Variants in HSPG2 observed in about 807,000 individuals in gnomAD.
HSPG2 encodes the protein basement membrane-specific heparan sulfate proteoglycan core protein.
A neutral mutation model predicts 526.6 loss-of-function variants in HSPG2; 278 were observed. The ratio of observed to expected loss-of-function variants is 0.53; its 90% CI spans 0.48 to 0.58. HSPG2 has a LOEUF of 0.58. HSPG2 is among the 20% of genes least tolerant of loss of function. The pLI is 0.00. For missense variants in HSPG2, 5,354 were observed against 6,099.5 expected (o/e 0.88, Z 4.07); for synonymous variants, 2,465 against 2,555.4 (o/e 0.96, Z 1.07).
chr1:21,935,802 G>A (rs562536265), intron 1 of HSPG2, among the ~76,000 whole-genome samples: 3 of 152,222 alleles, frequency 2.0e-5, no homozygotes, highest in South Asian at 2.1e-4. Context: ...GCAAGTTCAG[G>A]TCAAGACTAG....
chr1:21,840,548 C>T (rs1005267345), intron 71 of HSPG2, among the ~76,000 whole-genome samples: 5 of 151,996 alleles, frequency 3.3e-5, no homozygotes, highest in African/African-American at 7.2e-5. Context: ...CCTTGTGATC[C>T]GCCCGCCTCA....
chr1:21,855,030 C>A, intron 47 of HSPG2, 47 bp from the exon 48 acceptor site: 1 of 1,604,456 alleles, frequency 6.2e-7, no homozygotes, highest in Admixed American at 1.7e-5. Context: ...AGCTGGACAA[C>A]GGCTGGCCAG....
rs1640893922 is a variant in HSPG2, at chr1:21,874,473, C to A, written c.3589G>T (p.Asp1197Tyr). ...CEQCQPGYYG[D>Y]AQRGTPQDCQ... Reference sequence around the variant, plus strand: ...TCCTGTGGTGTCCCCCGCTGGGCGTCCCCGTAGTATCCTGGCTGGCACTGC... The same window carrying A: ...TCCTGTGGTGTCCCCCGCTGGGCGTACCCGTAGTATCCTGGCTGGCACTGC... The change falls in exon 28 of 97, where the codon GAC becomes TAC. Residue 1197 changes from aspartate (D) to tyrosine (Y), a missense_variant. Coordinates refer to ENST00000374695, the MANE Select transcript of HSPG2 (RefSeq NM_005529.7). 1 of 1,612,454 alleles carries A rather than the reference C, an allele frequency of 6.2e-7. No individual in the cohort carries two copies.
intron 23 of HSPG2, 21 bp downstream of exon 23, chr1:21,876,208 G>A: frequency 1.3e-6 from 2 of 1,592,000 alleles, no homozygotes; most frequent in Non-Finnish European, 1.7e-6. Flanking sequence ...AGTTTCCTTT[G>A]CCTTTCCACC....
At chr1:21,899,291 C>T (rs968235757) in intron 1 of HSPG2, among the ~76,000 whole-genome samples, 3 of 152,142 alleles carry the variant, frequency 2.0e-5, no homozygotes, top group African/African-American at 7.2e-5. Flanking sequence ...TGGAACCAGA[C>T]AGGAAAGAGG....
chr1:21,871,200 C>A (rs893281549), intron 33 of HSPG2, among the ~76,000 whole-genome samples: 4 of 152,186 alleles, frequency 2.6e-5, no homozygotes, highest in Middle Eastern at 3.4e-3. Context: ...ACCACCTTTC[C>A]ACCAGACCCT....
At chr1:21,869,224 G>A (rs1200337156) in intron 33 of HSPG2, among the ~76,000 whole-genome samples, 2 of 152,226 alleles carry the variant, frequency 1.3e-5, no homozygotes, top group Non-Finnish European at 1.5e-5. Context: ...CATCTGGTGG[G>A]TCTCTTTTGT....
chr1:21,839,335 C>G lies in HSPG2; in HGVS notation c.9889+36G>C, dbSNP rs919819067. The G allele has an allele frequency of 6.2e-7, 1 of 1,602,976 alleles. No homozygotes were observed. The highest frequency in any genetic ancestry group is 2.2e-5 in the East Asian group (1 of 44,834). On this transcript the variant is annotated intron_variant, in intron 73 of 96. Coordinates refer to ENST00000374695, the MANE Select transcript of HSPG2 (RefSeq NM_005529.7). This position sits in a 1 kb window ranked among gnomAD's most constrained non-coding sequence, Gnocchi z 4.5. ...GAGCCTAGTCGGGGGGCTCAGATCT[C>G]CATTTGGTGCAGACAAAGAAGGGAT...
intron 13 of HSPG2, among the ~76,000 whole-genome samples, chr1:21,884,021 T>C (rs1641690745): frequency 6.6e-6 from 1 of 152,214 alleles, no homozygotes; most frequent in Non-Finnish European, 1.5e-5. Flanking sequence ...GCTCCTATAA[T>C]CTGGGTACAC....
At chr1:21,878,812 G>A in intron 18 of HSPG2, 149 bp from the exon 19 acceptor site, 1 of 1,169,076 alleles carries the variant, frequency 8.6e-7, no homozygotes, top group Non-Finnish European at 1.2e-6. Context: ...GCAACTGTAG[G>A]AAGTCAGGGG....
chr1:21,920,636 G>A (rs1644011382), intron 1 of HSPG2, among the ~76,000 whole-genome samples: 1 of 152,244 alleles, frequency 6.6e-6, no homozygotes, highest in Admixed American at 6.5e-5. Flanking sequence ...CAGCCTGCCT[G>A]CTTCACACAT....
intron 1 of HSPG2, among the ~76,000 whole-genome samples, chr1:21,923,490 C>T (rs945532548): frequency 2.6e-5 from 4 of 152,322 alleles, no homozygotes; most frequent in Admixed American, 1.3e-4. Context: ...CTGAGACTCA[C>T]GATAAAATCG....
intron 71 of HSPG2, 52 bp from the exon 72 acceptor site, chr1:21,840,069 T>C (rs1402317058): frequency 6.7e-7 from 1 of 1,502,010 alleles, no homozygotes; most frequent in Non-Finnish European, 9.3e-7. Context: ...GGGACGCTGA[T>C]GTCAGCCCCA....
chr1:21,839,025 T>C lies in HSPG2; in HGVS notation c.9950A>G (p.Gln3317Arg). Residue 3317 changes from glutamine to arginine, a missense_variant, in exon 74 of 97, where the codon CAG becomes CGG. Coordinates refer to ENST00000374695, the MANE Select transcript of HSPG2 (RefSeq NM_005529.7). This position sits in a 1 kb window ranked among gnomAD's most constrained non-coding sequence, Gnocchi z 4.5. The part of the protein sequence containing the change: ...HASVQAGETV[Q>R]LQCLAHGTPP... Reference sequence around the variant, plus strand: ...TGTCCCGTGAGCCAGGCACTGGAGCTGCACCGTCTCCCCTGCCTGCACCGA... The same window carrying C: ...TGTCCCGTGAGCCAGGCACTGGAGCCGCACCGTCTCCCCTGCCTGCACCGA... The C allele has an allele frequency of 6.2e-7, 1 of 1,604,524 alleles. No individual in the cohort carries two copies. Among genetic ancestry groups the C allele is most frequent in the Non-Finnish European group, 8.5e-7 (1 of 1,172,404 alleles).
chr1:21,881,518 G>A lies in HSPG2; in HGVS notation c.1655-16C>T, dbSNP rs986895593. ...ACATTCACACCTGTGGGTGGCAAGGGGGAGGCTGAGGGCTGCAGCCTGGGC... is the reference window on the plus strand; with the variant it reads ...ACATTCACACCTGTGGGTGGCAAGGAGGAGGCTGAGGGCTGCAGCCTGGGC... On this transcript the variant is annotated splice_polypyrimidine_tract_variant and intron_variant, in intron 13 of 96. Coordinates refer to ENST00000374695, the MANE Select transcript of HSPG2 (RefSeq NM_005529.7). 6.2e-7 allele frequency: 1 copy of A among 1,606,566 alleles called. No homozygotes were observed. Among genetic ancestry groups the A allele is most frequent in the Non-Finnish European group, 8.5e-7 (1 of 1,176,250 alleles).
rs764918322 is a variant in HSPG2 at position 21,856,969 on chromosome 1, G to A, written c.5575+46C>T. Reference sequence around the variant, plus strand: ...ATGCTGTGCTAATTCTGGTGGGAATGGGGGAGAGACAGGAGGGGAGAATCA... The same window carrying A: ...ATGCTGTGCTAATTCTGGTGGGAATAGGGGAGAGACAGGAGGGGAGAATCA... On this transcript the variant is annotated intron_variant, in intron 44 of 96. Coordinates refer to ENST00000374695, the MANE Select transcript of HSPG2 (RefSeq NM_005529.7). 2.7e-5 allele frequency: 43 copies of A among 1,572,806 alleles called. No homozygotes were observed. In the Admixed American group the frequency reaches 7.0e-4, roughly 26 times the overall value.
chr1:21,919,026 G>GC (rs1237607475), intron 1 of HSPG2, among the ~76,000 whole-genome samples: 1 of 152,186 alleles, frequency 6.6e-6, no homozygotes, highest in African/African-American at 2.4e-5. Context: ...CCGCTTTCCT[G>GC]CCCCCATCTT....
intron 55 of HSPG2, 195 bp downstream of exon 55, chr1:21,851,351 G>A: frequency 1.4e-6 from 1 of 701,010 alleles, no homozygotes; most frequent in Non-Finnish European, 2.4e-6. Flanking sequence ...GAGGTCACAA[G>A]CTAAGTGGTG....
In HSPG2 at chr1:21,847,441, C is replaced by G; in HGVS notation, c.8077G>C (p.Glu2693Gln). Residue 2693 changes from glutamate (E) to glutamine (Q), a missense_variant, in exon 62 of 97, where the codon GAG (glutamate) becomes CAG (glutamine). Coordinates refer to ENST00000374695, the MANE Select transcript of HSPG2 (RefSeq NM_005529.7). The surrounding 1 kb of genome is among the most constrained non-coding windows in gnomAD (Gnocchi z 4.1). Reference sequence around the variant, plus strand: ...TTGTTGTTGGCCCGGCACACATACTCGCCCGAGTCAGCCACAGACATTTGG... The same window carrying G: ...TTGTTGTTGGCCCGGCACACATACTGGCCCGAGTCAGCCACAGACATTTGG... ...LHQMSVADSGEYVCRANNNID... is the reference protein window; with the variant it reads ...LHQMSVADSGQYVCRANNNID... 9 of 1,613,924 alleles carry G rather than the reference C, an allele frequency of 5.6e-6. No individual in the cohort carries two copies. The highest frequency in any genetic ancestry group is 7.6e-6 in the Non-Finnish European group (9 of 1,180,034).
Sources: allele counts gnomAD v4.1 joint callset (sites outside exome capture counted in the v4.1 genomes callset), GRCh38; gene constraint gnomAD v4.1.1; non-coding constraint Gnocchi (gnomAD v3.1); transcripts MANE v1.5; gene names NCBI Gene and HGNC (gene_info 2026-07-23, HGNC 2026-07-21).